ZNF492: variants seen among roughly 807,000 people sequenced by gnomAD.
ZNF492 encodes the protein zinc finger protein 115 (Y20).
Under a neutral mutation model 6.4 loss-of-function variants are expected in ZNF492, and 3 were observed. The observed-to-expected ratio is 0.47, with a 90% CI of 0.21 to 1.22. The LOEUF is 1.22. Ranked by LOEUF, ZNF492 falls within the 50% of genes most tolerant of loss-of-function variation. The probability of loss-of-function intolerance (pLI) is 0.22; values close to 1 mark genes in which losing one functional copy is unlikely to be tolerated. For synonymous variants in ZNF492, 112 were observed against 205.3 expected, an observed-to-expected ratio of 0.55 and a Z score of 3.89; for missense variants, 356 against 612.5, an observed-to-expected ratio of 0.58 and a Z score of 4.42.
chr19:22,643,166 T>C (rs62118772), intron 1 of ZNF492, among the ~76,000 whole-genome samples: 29,430 of 152,010 alleles, frequency 0.19, 3,708 homozygotes, highest in African/African-American at 0.37. Flanking sequence ...TCCAGCTACT[T>C]GGGAGGCTGA....
rs185714081 is a variant in ZNF492 at position 22,657,299 on chromosome 19, G to A, written c.130+3284G>A. 1.5e-4 allele frequency among the ~76,000 whole-genome samples: 23 copies of A among 152,104 alleles called. No individual in the cohort carries two copies. In the East Asian group the frequency reaches 4.3e-3, roughly 28 times the overall value. On this transcript the variant is annotated intron_variant, in intron 3 of 3. Transcript: ENST00000456783. Reference sequence around the variant, plus strand: ...CAAATATTTGTTTCATATATCAGAGGCCCTGACCATATTCTGCAAAATAGA... The same window carrying A: ...CAAATATTTGTTTCATATATCAGAGACCCTGACCATATTCTGCAAAATAGA...
Position 22,665,634 on chromosome 19 carries a change from A to G in ZNF492, c.*369A>G, listed in dbSNP as rs1286172685. Reference sequence around the variant, plus strand: ...TGTGGTAACTTTACTTGTAACACAGATCTTGTTGTATTCATTCTGTATTAG... The same window carrying G: ...TGTGGTAACTTTACTTGTAACACAGGTCTTGTTGTATTCATTCTGTATTAG... On this transcript the variant is annotated 3_prime_UTR_variant, in exon 4 of 4. Coordinates refer to ENST00000456783, the MANE Select transcript of ZNF492 (RefSeq NM_020855.3). The G allele has an allele frequency of 1.4e-5, 3 of 212,952 alleles. No individual in the cohort carries two copies. In the East Asian group the frequency reaches 3.8e-4, roughly 27 times the overall value. The allele number at this position is 212,952 out of a possible 1,614,324, so 13.2% of individuals were successfully genotyped here.
intron 1 of ZNF492, among the ~76,000 whole-genome samples, chr19:22,638,832 T>C (rs1357990589): frequency 1.4e-5 from 2 of 144,138 alleles, no homozygotes; most frequent in African/African-American, 5.6e-5. Context: ...TTTAATAATA[T>C]TGATCTTTTT....
intron 1 of ZNF492, among the ~76,000 whole-genome samples, chr19:22,634,868 T>C (rs1321010372): frequency 6.6e-6 from 1 of 152,170 alleles, no homozygotes; most frequent in East Asian, 1.9e-4. Context: ...TCCTCTTTTC[T>C]TCTATTAAAA....
rs1411416250 is a variant in ZNF492, at chr19:22,634,458, C to T, written c.-110C>T. The stretch of plus-strand genomic sequence containing the variant: ...TCCACAGCTAAGACGCTAGGACCCC[C>T]TGGAAGCCTAGAAACGGTGAGAGTG... On this transcript the variant is annotated 5_prime_UTR_variant, in exon 1 of 4. Transcript: ENST00000456783. 3 of 1,384,958 alleles carry T rather than the reference C, an allele frequency of 2.2e-6. No homozygotes were observed. The East Asian group carries it at 7.3e-5, about 34-fold the overall frequency. The allele number at this position is 1,384,958 out of a possible 1,614,324, so 85.8% of individuals were successfully genotyped here. A position where few individuals can be genotyped will look rare whatever the true frequency, so the allele number is the denominator to read the frequency against.
Position 22,663,783 on chromosome 19 carries a change from A to T in ZNF492, c.131-17A>T. On this transcript the variant is annotated splice_polypyrimidine_tract_variant and intron_variant, in intron 3 of 3. Coordinates refer to ENST00000456783, the MANE Select transcript of ZNF492 (RefSeq NM_020855.3). Reference sequence around the variant, plus strand: ...GAGTCAGTAAGTGAAGTAATTTATTATTTTTATTTCTTTCAGTTGTATGTT... The same window carrying T: ...GAGTCAGTAAGTGAAGTAATTTATTTTTTTTATTTCTTTCAGTTGTATGTT... 6.8e-7 allele frequency: 1 copy of T among 1,476,398 alleles called. No homozygotes were observed. The highest frequency in any genetic ancestry group is 9.0e-7 in the Non-Finnish European group (1 of 1,116,416). 91.5% of individuals were successfully genotyped at this position (1,476,398 alleles called of 1,614,324 possible).
At chr19:22,647,928 T>C (rs1971900911) in intron 1 of ZNF492, among the ~76,000 whole-genome samples, 1 of 151,698 alleles carries the variant, frequency 6.6e-6, no homozygotes. Flanking sequence ...GATGGGGTTT[T>C]GACATATTGG....
At chr19:22,653,551 C>G (rs1184630038) in intron 2 of ZNF492, 118 bp downstream of exon 2, 2 of 1,117,302 alleles carry the variant, frequency 1.8e-6, no homozygotes, top group Non-Finnish European at 1.2e-6. Context: ...TTTTTAACTT[C>G]AAGATTTGTC....
At chr19:22,662,322 C>T (rs1424402192) in intron 3 of ZNF492, among the ~76,000 whole-genome samples, 1 of 152,182 alleles carries the variant, frequency 6.6e-6, no homozygotes, top group Non-Finnish European at 1.5e-5. Flanking sequence ...TTTTCTTAAT[C>T]CATTCTATCA....
At chr19:22,646,200 G>A (rs1340795559) in intron 1 of ZNF492, among the ~76,000 whole-genome samples, 2 of 152,252 alleles carry the variant, frequency 1.3e-5, no homozygotes, top group South Asian at 2.1e-4. Flanking sequence ...ACCTCCTTGA[G>A]GAGTGGTTTG....
chr19:22,663,158 G>T (rs1599403579), intron 3 of ZNF492, among the ~76,000 whole-genome samples: 1 of 152,036 alleles, frequency 6.6e-6, no homozygotes, highest in South Asian at 2.1e-4. Flanking sequence ...CATATGGCTA[G>T]CCAGTTTTCC....
At chr19:22,655,778 G>T (rs1971988618) in intron 3 of ZNF492, among the ~76,000 whole-genome samples, 1 of 126,064 alleles carries the variant, frequency 7.9e-6, no homozygotes, top group African/African-American at 3.1e-5. Context: ...GTGTCTGTGA[G>T]TTTGAAGGAG....
chr19:22,644,358 T>A (rs537906335), intron 1 of ZNF492, among the ~76,000 whole-genome samples: 1 of 152,234 alleles, frequency 6.6e-6, no homozygotes, highest in East Asian at 1.9e-4. Context: ...TATTGACCCA[T>A]CTTCTAGGTG....
chr19:22,659,413 A>T (rs1331098511), intron 3 of ZNF492, among the ~76,000 whole-genome samples: 1 of 151,842 alleles, frequency 6.6e-6, no homozygotes, highest in Non-Finnish European at 1.5e-5. Flanking sequence ...ACTGCCTGGA[A>T]GTCCTCTATT....
chr19:22,635,467 T>G (rs1240883249), intron 1 of ZNF492, among the ~76,000 whole-genome samples: 2 of 152,262 alleles, frequency 1.3e-5, no homozygotes, highest in African/African-American at 2.4e-5. Context: ...AATCATTTTT[T>G]GACAAAGCAT....
intron 3 of ZNF492, among the ~76,000 whole-genome samples, chr19:22,655,571 TTTAA>T (rs1466277364): frequency 6.6e-6 from 1 of 151,654 alleles, no homozygotes; most frequent in Non-Finnish European, 1.5e-5. Flanking sequence ...TAATTATTAC[TTTAA>T]TTAGGTTTTA....
At position 22,654,054 on chromosome 19, in the gene ZNF492, A is replaced by G. The variant is rs191491073; in HGVS notation, c.130+39A>G. ...AAAGTGAATACAACAGATGACACAG[A>G]TGAGAGCTCCAAAGTAGAAAAAAAA... On this transcript the variant is annotated intron_variant, in intron 3 of 3. Coordinates refer to ENST00000456783, the MANE Select transcript of ZNF492 (RefSeq NM_020855.3). 18 of 1,502,096 alleles carry G rather than the reference A, an allele frequency of 1.2e-5. No individual in the cohort carries two copies. In the Admixed American group the frequency reaches 2.3e-4, roughly 19 times the overall value. The allele number at this position is 1,502,096 out of a possible 1,614,324, so 93.0% of individuals were successfully genotyped here. A position where few individuals can be genotyped will look rare whatever the true frequency, so the allele number is the denominator to read the frequency against.
chr19:22,655,816 G>GTTTT (rs987078429), intron 3 of ZNF492, among the ~76,000 whole-genome samples: 6 of 51,794 alleles, frequency 1.2e-4, no homozygotes, highest in Non-Finnish European at 2.0e-4. Flanking sequence ...TTTTCTTGTT[G>GTTTT]TTTTTTTTTT....
chr19:22,638,890 T>C (rs1158443745), intron 1 of ZNF492, among the ~76,000 whole-genome samples: 2 of 152,168 alleles, frequency 1.3e-5, no homozygotes, highest in African/African-American at 4.8e-5. Flanking sequence ...TCGCCCAAGC[T>C]GGAGTGCAGT....
Sources: allele counts gnomAD v4.1 joint callset (sites outside exome capture counted in the v4.1 genomes callset), GRCh38; gene constraint gnomAD v4.1.1; transcripts MANE v1.5; gene names NCBI Gene and HGNC (gene_info 2026-07-23, HGNC 2026-07-21).